The following ADAD1 variants were observed in gnomAD, a reference collection of about 807,000 sequenced individuals.
ADAD1 encodes the protein adenosine deaminase domain containing 1.
A neutral mutation model predicts 66.8 loss-of-function variants in ADAD1; 46 were observed. The ratio of observed to expected loss-of-function variants is 0.69; its 90% CI spans 0.54 to 0.88. ADAD1 has a LOEUF of 0.88. ADAD1 is among the 40% of genes least tolerant of loss of function. The pLI is 0.00. For synonymous variants in ADAD1, 248 were observed against 229.4 expected, an observed-to-expected ratio of 1.08 and a Z score of -0.73; for missense variants, 617 against 681.8, an observed-to-expected ratio of 0.91 and a Z score of 1.06.
At chr4:122,379,737 TTTC>T (rs1214184947) in intron 2 of ADAD1, 66 of 180,242 alleles carry the variant, frequency 3.7e-4, no homozygotes, top group African/African-American at 1.5e-3. Context: ...CTGATTTTTT[TTTC>T]TTTTTTTCTT....
intron 3 of ADAD1, among the ~76,000 whole-genome samples, chr4:122,380,663 G>A (rs1476819942): frequency 6.6e-6 from 1 of 152,160 alleles, no homozygotes; most frequent in Non-Finnish European, 1.5e-5. Flanking sequence ...CCAGATCTGT[G>A]TCTTTCTGTA....
At chr4:122,380,540 C>A in intron 3 of ADAD1, 1 of 376,488 alleles carries the variant, frequency 2.7e-6, no homozygotes, top group Non-Finnish European at 4.7e-6. Flanking sequence ...GGTCTGTATT[C>A]CACATAGCAC....
chr4:122,385,435 G>A lies in ADAD1; in HGVS notation c.529+1469G>A, dbSNP rs537928196. Among the ~76,000 whole-genome samples, 5 of 152,030 alleles carry A rather than the reference G, an allele frequency of 3.3e-5. No individual in the cohort carries two copies. In the South Asian group the frequency reaches 6.2e-4, roughly 19 times the overall value. On this transcript the variant is annotated intron_variant, in intron 5 of 12. Coordinates refer to ENST00000296513, the MANE Select transcript of ADAD1 (RefSeq NM_139243.4). ...TTATAGGTGCCTGCCACCACACCCGGCTAATTTTTGTATTTTTAGTAGAGA... is the reference window on the plus strand; with the variant it reads ...TTATAGGTGCCTGCCACCACACCCGACTAATTTTTGTATTTTTAGTAGAGA...
At chr4:122,408,321 C>T (rs990147982) in intron 8 of ADAD1, among the ~76,000 whole-genome samples, 1 of 152,140 alleles carries the variant, frequency 6.6e-6, no homozygotes, top group African/African-American at 2.4e-5. Context: ...GCTGCCCAGG[C>T]TGGAATACAG....
At chr4:122,419,462 G>A (rs931262789) in intron 11 of ADAD1, among the ~76,000 whole-genome samples, 2 of 152,128 alleles carry the variant, frequency 1.3e-5, no homozygotes, top group African/African-American at 4.8e-5. Flanking sequence ...GAAATAGTCT[G>A]TACAACAAAC....
chr4:122,427,304 A>AG (rs1445456004), intron 12 of ADAD1, among the ~76,000 whole-genome samples: 1 of 152,190 alleles, frequency 6.6e-6, no homozygotes, highest in African/African-American at 2.4e-5. Flanking sequence ...AAGAAATGGA[A>AG]GACCTGTACA....
intron 12 of ADAD1, among the ~76,000 whole-genome samples, chr4:122,427,695 C>T (rs765152870): frequency 1.6e-4 from 24 of 151,632 alleles, no homozygotes; most frequent in Non-Finnish European, 2.4e-4. Context: ...CCACCACGCC[C>T]GGCTAATTTT....
In ADAD1 at chr4:122,381,003, G is replaced by A; in HGVS notation, c.184G>A (p.Glu62Lys). ...ACATTTGTTTTTAGGTAATTTTCCAGAGCCGTTGCTTTCCAAGAATCTTTC... is the reference window on the plus strand; with the variant it reads ...ACATTTGTTTTTAGGTAATTTTCCAAAGCCGTTGCTTTCCAAGAATCTTTC... ...KVTQVTGNFP[E>K]PLLSKNLSSI... is the part of the protein sequence containing the mutation. Residue 62 changes from glutamate to lysine, a missense_variant, in exon 4 of 13, where the codon GAG (glutamate) becomes AAG (lysine). Glu to Lys is a moderately conservative substitution (Grantham distance 56). Transcript: ENST00000296513. 6.3e-7 allele frequency: 1 copy of A among 1,589,158 alleles called. No homozygotes were observed. Among genetic ancestry groups the A allele is most frequent in the East Asian group, 2.3e-5 (1 of 44,038 alleles).
Position 122,408,012 on chromosome 4 carries a change from G to A in ADAD1, c.829G>A (p.Ala277Thr). The A allele has an allele frequency of 6.2e-7, 1 of 1,612,952 alleles. No homozygotes were observed. The highest frequency in any genetic ancestry group is 8.5e-7 in the Non-Finnish European group (1 of 1,179,350). ...VLHDTHAVVT[A>T]RRSLLRYFYR... is the part of the protein sequence containing the mutation. ...GCATGACACTCATGCTGTTGTTACA[G>A]CAAGAAGGTCTCTTCTTAGGTAAGA... is the stretch of plus-strand genomic sequence containing the variant. The change falls in exon 8 of 13, where the codon GCA becomes ACA. Residue 277 changes from alanine (A) to threonine (T), a missense_variant. Ala to Thr is a moderately conservative substitution (Grantham distance 58, BLOSUM62 0). Coordinates refer to ENST00000296513, the MANE Select transcript of ADAD1 (RefSeq NM_139243.4).
chr4:122,399,277 T>G (rs986605981), intron 7 of ADAD1, among the ~76,000 whole-genome samples: 3 of 152,148 alleles, frequency 2.0e-5, no homozygotes, highest in African/African-American at 7.2e-5. Context: ...GCCAGTTGAC[T>G]GTATTTTGTT....
chr4:122,392,289 C>T (rs1302019459), intron 5 of ADAD1, among the ~76,000 whole-genome samples: 1 of 152,126 alleles, frequency 6.6e-6, no homozygotes, highest in Admixed American at 6.5e-5. Flanking sequence ...GCAAAGACAT[C>T]AAATCAACCC....
chr4:122,385,634 G>C (rs1795137762), intron 5 of ADAD1, among the ~76,000 whole-genome samples: 1 of 152,084 alleles, frequency 6.6e-6, no homozygotes. Context: ...TTGTTACATA[G>C]GTATACATGT....
chr4:122,423,242 A>T (rs541674507), intron 12 of ADAD1, among the ~76,000 whole-genome samples: 1 of 152,344 alleles, frequency 6.6e-6, no homozygotes, highest in African/African-American at 2.4e-5. Flanking sequence ...CAAACTTGGT[A>T]GGAAATTAAT....
intron 12 of ADAD1, among the ~76,000 whole-genome samples, chr4:122,422,524 TAATTTTACC>T (rs942092120): frequency 2.6e-5 from 4 of 152,232 alleles, no homozygotes; most frequent in Non-Finnish European, 4.4e-5. Context: ...GAAAGTCTTT[TAATTTTACC>T]AATTTTACCA....
intron 7 of ADAD1, among the ~76,000 whole-genome samples, chr4:122,403,293 G>C (rs1257112092): frequency 6.6e-6 from 1 of 152,126 alleles, no homozygotes; most frequent in Non-Finnish European, 1.5e-5. Flanking sequence ...GGATTACCGG[G>C]CTCCAGGCTG....
At chr4:122,409,508 G>A (rs1796375799) in intron 8 of ADAD1, among the ~76,000 whole-genome samples, 1 of 152,148 alleles carries the variant, frequency 6.6e-6, no homozygotes, top group South Asian at 2.1e-4. Context: ...ATCACCTCAA[G>A]CATTTATCTT....
At position 122,383,851 on chromosome 4, in the gene ADAD1, G is replaced by C; in HGVS notation, c.414G>C (p.Gln138His). 2 of 1,613,874 alleles carry C rather than the reference G, an allele frequency of 1.2e-6. No homozygotes were observed. The highest frequency in any genetic ancestry group is 1.7e-6 in the Non-Finnish European group (2 of 1,179,906). Residue 138 changes from glutamine (Q) to histidine (H), a missense_variant, in exon 5 of 13, where the codon CAG becomes CAC. Transcript: ENST00000296513. ...TTTGTGCTGTGGTGGATGGTATTCA[G>C]TACAAGACTGGACTGGGACAAAATA... ...FAFCAVVDGI[Q>H]YKTGLGQNKK...
At chr4:122,424,456 G>GGT (rs1797143608) in intron 12 of ADAD1, among the ~76,000 whole-genome samples, 4 of 152,110 alleles carry the variant, frequency 2.6e-5, no homozygotes, top group African/African-American at 9.7e-5. Flanking sequence ...GATTTGGTAA[G>GGT]AAATCGCTCT....
intron 12 of ADAD1, among the ~76,000 whole-genome samples, chr4:122,426,803 G>A (rs945635746): frequency 2.0e-5 from 3 of 152,150 alleles, no homozygotes; most frequent in African/African-American, 7.2e-5. Flanking sequence ...TAAAAACACT[G>A]AACAAACAAG....
Sources: allele counts gnomAD v4.1 joint callset (sites outside exome capture counted in the v4.1 genomes callset), GRCh38; gene constraint gnomAD v4.1.1; transcripts MANE v1.5; gene names NCBI Gene and HGNC (gene_info 2026-07-23, HGNC 2026-07-21).